The following ABCA4 variants were observed in gnomAD, a reference collection of about 807,000 sequenced individuals.
The protein encoded by ABCA4 is ATP binding cassette subfamily A member 4.
Under a neutral mutation model 263.7 loss-of-function variants are expected in ABCA4, and 196 were observed. The observed-to-expected ratio is 0.74, with a 90% CI of 0.66 to 0.84. ABCA4 has a LOEUF of 0.84. Ranked by LOEUF, ABCA4 falls within the 40% of genes least tolerant of loss-of-function variation. The pLI is 0.00. For missense variants in ABCA4, 2,792 were observed against 2,855.1 expected (o/e 0.98, Z 0.50); for synonymous variants, 1,133 against 1,094.2 (o/e 1.04, Z -0.70).
At position 94,060,905 on chromosome 1, in the gene ABCA4, C is replaced by T. The variant is rs1436647832; in HGVS notation, c.1938-146G>A. ...AAACCTCCCCTGGACATTTAATGGG[C>T]TGGAATCTTTTAACACATTCCATGT... On this transcript the variant is annotated intron_variant, in intron 13 of 49. Coordinates refer to ENST00000370225, the MANE Select transcript of ABCA4 (RefSeq NM_000350.3). 9 of 736,530 alleles carry T rather than the reference C, an allele frequency of 1.2e-5. No individual in the cohort carries two copies. The East Asian group carries it at 2.4e-4, about 20-fold the overall frequency. 45.6% of individuals were successfully genotyped at this position (736,530 alleles called of 1,614,324 possible). A position where few individuals can be genotyped will look rare whatever the true frequency, so the allele number is the denominator to read the frequency against.
Position 94,063,164 on chromosome 1 carries a change from T to C in ABCA4, c.1708A>G (p.Lys570Glu). Residue 570 changes from lysine to glutamate, a missense_variant, in exon 12 of 50, where the codon AAG (lysine) becomes GAG (glutamate). Physicochemically the swap from Lys to Glu is moderately conservative, Grantham distance 56. Coordinates refer to ENST00000370225, the MANE Select transcript of ABCA4 (RefSeq NM_000350.3). ...ACCACGTCTATGTCCATTCGGATCT[T>C]ATACTTCACGTGGGGTGGTAGAGAG... is the stretch of plus-strand genomic sequence containing the variant. ...TSSLPPHVKY[K>E]IRMDIDVVEK... The C allele has an allele frequency of 6.2e-7, 1 of 1,614,154 alleles. No homozygotes were observed. Among genetic ancestry groups the C allele is most frequent in the South Asian group, 1.1e-5 (1 of 91,072 alleles).
chr1:94,004,439 A>G (rs989840141), intron 44 of ABCA4, among the ~76,000 whole-genome samples: 1 of 152,192 alleles, frequency 6.6e-6, no homozygotes, highest in African/African-American at 2.4e-5. Context: ...CTATACCACT[A>G]TAAAAAACAA....
chr1:94,048,947 G>A lies in ABCA4; in HGVS notation c.2664C>T (p.Thr888=), dbSNP rs1318811412. ...TCTTTTCCAGGGCTCTTTCTTCTCT[G>A]GTTGAACACCCTGCACCAATCAGAA... ...SYWLGGEGCS[T]REERALEKTE... The change falls in exon 18 of 50, where the codon ACC becomes ACT. Residue 888 remains threonine (T), a synonymous_variant. Coordinates refer to ENST00000370225, the MANE Select transcript of ABCA4 (RefSeq NM_000350.3). The A allele has an allele frequency of 6.2e-7, 1 of 1,613,996 alleles. No homozygotes were observed. Among genetic ancestry groups the A allele is most frequent in the Admixed American group, 1.7e-5 (1 of 60,002 alleles).
At chr1:94,028,930 A>AAAAAAAACAAAAC (rs35998587) in intron 30 of ABCA4, among the ~76,000 whole-genome samples, 4 of 108,032 alleles carry the variant, frequency 3.7e-5, no homozygotes, top group Non-Finnish European at 5.4e-5. Context: ...AAAAAAAAAA[A>AAAAAAAACAAAAC]GAAATTCAAA....
chr1:94,017,251 C>G (rs1461676295), intron 36 of ABCA4, among the ~76,000 whole-genome samples: 1 of 152,190 alleles, frequency 6.6e-6, no homozygotes, highest in Non-Finnish European at 1.5e-5. Flanking sequence ...CAGACACCTT[C>G]TTAAGTGACC....
intron 6 of ABCA4, among the ~76,000 whole-genome samples, chr1:94,089,090 A>G (rs996493382): frequency 6.6e-6 from 1 of 152,206 alleles, no homozygotes; most frequent in African/African-American, 2.4e-5. Context: ...TCCACCACAC[A>G]TCACATGAAC....
At chr1:94,115,987 G>C (rs1662747853) in intron 1 of ABCA4, among the ~76,000 whole-genome samples, 1 of 152,172 alleles carries the variant, frequency 6.6e-6, no homozygotes, top group Non-Finnish European at 1.5e-5. Context: ...AGCTTGGCCT[G>C]CCTGTTCCAG....
chr1:94,047,852 C>T (rs1287971231), intron 18 of ABCA4, among the ~76,000 whole-genome samples: 1 of 152,216 alleles, frequency 6.6e-6, no homozygotes, highest in Non-Finnish European at 1.5e-5. Context: ...CTCACTTCTC[C>T]CTGACCTCCC....
intron 30 of ABCA4, among the ~76,000 whole-genome samples, chr1:94,028,923 A>AC (rs1660116237): frequency 1.4e-5 from 2 of 142,384 alleles, no homozygotes; most frequent in African/African-American, 5.1e-5. Context: ...AAAAAAAAAA[A>AC]AAAAAAAGAA....
chr1:94,000,939 G>A lies in ABCA4; in HGVS notation c.6387-11C>T. The A allele has an allele frequency of 1.2e-6, 2 of 1,614,210 alleles. No individual in the cohort carries two copies. The highest frequency in any genetic ancestry group is 3.3e-5 in the Admixed American group (2 of 60,030). ...TCACATTCTTCCATGCTGTGGGGCA[G>A]GAGAGAGGAGGTGAGCAGGAGAGGA... On this transcript the variant is annotated splice_polypyrimidine_tract_variant and intron_variant, in intron 46 of 49. Transcript: ENST00000370225.
chr1:94,037,845 C>A (rs1260228385), intron 24 of ABCA4, among the ~76,000 whole-genome samples: 1 of 152,138 alleles, frequency 6.6e-6, no homozygotes, highest in African/African-American at 2.4e-5. Context: ...TATTATTATC[C>A]TTTACATCAT....
chr1:94,092,423 G>A (rs1219773760), intron 6 of ABCA4, among the ~76,000 whole-genome samples: 1 of 152,234 alleles, frequency 6.6e-6, no homozygotes, highest in Non-Finnish European at 1.5e-5. Flanking sequence ...CTTGCAAACT[G>A]ACAGTTGTTA....
chr1:94,049,054 C>T, intron 17 of ABCA4, 97 bp from the exon 18 acceptor site: 1 of 1,168,632 alleles, frequency 8.6e-7, no homozygotes, highest in Non-Finnish European at 1.3e-6. Flanking sequence ...AAATGAGTTT[C>T]CTAGCCAGCC....
rs115687752 is a variant in ABCA4, at chr1:94,046,038, C to G, written c.2918+881G>C. ...TGTTACCAGGCGGTTACTCCACAAG[C>G]CCCTCTAGAGACTGATTCTTTTTTC... On this transcript the variant is annotated intron_variant, in intron 19 of 49. Coordinates refer to ENST00000370225, the MANE Select transcript of ABCA4 (RefSeq NM_000350.3). 1,313 of 438,182 alleles carry G rather than the reference C, an allele frequency of 3.0e-3. 12 individuals carry two copies. Among genetic ancestry groups the G allele is most frequent in the African/African-American group, 0.023 (1,129 of 49,572 alleles). The allele number at this position is 438,182 out of a possible 1,614,324, so 27.1% of individuals were successfully genotyped here.
chr1:94,050,408 G>A (rs1557782353), intron 17 of ABCA4, among the ~76,000 whole-genome samples: 1 of 152,206 alleles, frequency 6.6e-6, no homozygotes, highest in Admixed American at 6.5e-5. Context: ...ATCTGTGAAA[G>A]GAGGGAGGTT....
Position 93,997,900 on chromosome 1 carries a change from G to A in ABCA4, c.6690C>T (p.Leu2230=). ...TCTGTGTGACTGAGTACTCCTCGAT[G>A]AGCAGGCTGTCCTTGTGGGAGAGGA... The part of the protein sequence containing the change: ...QLLLSHKDSL[L]IEEYSVTQTT... The change falls in exon 48 of 50, where the codon CTC becomes CTT. Residue 2230 remains leucine, a synonymous_variant. Transcript: ENST00000370225. The A allele has an allele frequency of 6.2e-7, 1 of 1,614,094 alleles. No homozygotes were observed. Among genetic ancestry groups the A allele is most frequent in the Non-Finnish European group, 8.5e-7 (1 of 1,180,006 alleles).
intron 11 of ABCA4, among the ~76,000 whole-genome samples, chr1:94,066,653 G>A (rs1394383570): frequency 4.6e-5 from 7 of 152,202 alleles, no homozygotes; most frequent in Non-Finnish European, 8.8e-5. Context: ...GTCAATCTAG[G>A]TCAGAAGCAG....
At chr1:94,046,473 A>AAAAAAAAAAAAAAAAAAAAAAAAAG (rs71094277) in intron 19 of ABCA4, among the ~76,000 whole-genome samples, 1 of 120,744 alleles carries the variant, frequency 8.3e-6, no homozygotes, top group Non-Finnish European at 1.8e-5. Context: ...AAAAAAAAAA[A>AAAAAAAAAAAAAAAAAAAAAAAAAG]AAAGAAAAGA....
chr1:94,020,768 G>A (rs913670581), intron 35 of ABCA4, among the ~76,000 whole-genome samples: 1 of 152,208 alleles, frequency 6.6e-6, no homozygotes, highest in African/African-American at 2.4e-5. Flanking sequence ...AAACGCACAA[G>A]GCCACTGTCT....
Sources: allele counts gnomAD v4.1 joint callset (sites outside exome capture counted in the v4.1 genomes callset), GRCh38; gene constraint gnomAD v4.1.1; transcripts MANE v1.5; gene names NCBI Gene and HGNC (gene_info 2026-07-23, HGNC 2026-07-21).